Variants in ARL15 observed in about 807,000 individuals in gnomAD.
ARL15 encodes the protein ADP-ribosylation factor-like protein 15.
Under a neutral mutation model 25.2 loss-of-function variants are expected in ARL15, and 19 were observed. That is an observed-to-expected ratio of 0.75 (90% CI 0.53 to 1.10). The LOEUF (loss-of-function observed/expected upper bound fraction) is 1.10. ARL15 is among the 50% of genes least tolerant of loss of function. The pLI is 0.00. For missense variants in ARL15, 220 were observed against 246.0 expected (o/e 0.89, Z 0.71); for synonymous variants, 94 against 86.8 (o/e 1.08, Z -0.46).
At chr5:54,201,821 C>G (rs1197877427) in intron 1 of ARL15, among the ~76,000 whole-genome samples, 1 of 152,076 alleles carries the variant, frequency 6.6e-6, no homozygotes, top group African/African-American at 2.4e-5. Context: ...ACATGTAACC[C>G]TAAGTCACAA....
At chr5:54,152,560 T>C (rs1001410736) in intron 3 of ARL15, among the ~76,000 whole-genome samples, 14 of 152,192 alleles carry the variant, frequency 9.2e-5, no homozygotes, top group Admixed American at 1.3e-4. Context: ...AACAGAGCTA[T>C]TAAAGTTGAG....
chr5:54,129,445 G>A, intron 3 of ARL15, among the ~76,000 whole-genome samples: 1 of 152,182 alleles, frequency 6.6e-6, no homozygotes, highest in Non-Finnish European at 1.5e-5. Context: ...CCAGAAACAG[G>A]CACAGAGACA....
At chr5:53,974,540 T>C (rs1747867671) in intron 4 of ARL15, among the ~76,000 whole-genome samples, 1 of 152,170 alleles carries the variant, frequency 6.6e-6, no homozygotes. Context: ...AGCATAGATA[T>C]TGGAAATAAT....
At chr5:54,087,829 C>T (rs1295687997) in intron 4 of ARL15, among the ~76,000 whole-genome samples, 1 of 54,818 alleles carries the variant, frequency 1.8e-5, no homozygotes, top group African/African-American at 4.8e-5. Flanking sequence ...TCACATGACA[C>T]CATGCCCGAC....
At chr5:54,260,208 C>T (rs1482331932) in intron 1 of ARL15, among the ~76,000 whole-genome samples, 1 of 152,180 alleles carries the variant, frequency 6.6e-6, no homozygotes, top group Non-Finnish European at 1.5e-5. Flanking sequence ...ACTCTTCTTT[C>T]TTTCCTTGTC....
intron 4 of ARL15, among the ~76,000 whole-genome samples, chr5:53,919,048 G>A (rs567748180): frequency 3.3e-5 from 5 of 152,268 alleles, no homozygotes; most frequent in Non-Finnish European, 7.4e-5. Context: ...AGGTGTGAGT[G>A]AACATTCACT....
chr5:53,982,407 C>A (rs1748153252), intron 4 of ARL15, among the ~76,000 whole-genome samples: 1 of 147,022 alleles, frequency 6.8e-6, no homozygotes, highest in East Asian at 2.1e-4. Context: ...CACTGTTCAA[C>A]TCCCACCTAT....
At chr5:53,952,705 A>T (rs1454217952) in intron 4 of ARL15, among the ~76,000 whole-genome samples, 2 of 152,186 alleles carry the variant, frequency 1.3e-5, no homozygotes, top group African/African-American at 4.8e-5. Context: ...TTAAACTTTA[A>T]GAAAGATGAA....
chr5:54,168,861 G>C (rs1440301721), intron 2 of ARL15, among the ~76,000 whole-genome samples: 1 of 152,090 alleles, frequency 6.6e-6, no homozygotes, highest in East Asian at 1.9e-4. Context: ...ATCACATTCT[G>C]TCTTAGCACA....
chr5:54,098,151 A>G (rs1752339726), intron 4 of ARL15, among the ~76,000 whole-genome samples: 1 of 152,206 alleles, frequency 6.6e-6, no homozygotes. Flanking sequence ...GACTGAGGAA[A>G]GTTGGATGCT....
chr5:54,127,461 G>A (rs1216796303), intron 3 of ARL15, among the ~76,000 whole-genome samples: 1 of 151,696 alleles, frequency 6.6e-6, no homozygotes, highest in East Asian at 1.9e-4. Flanking sequence ...CAACTTACAA[G>A]GGATGTGAAG....
intron 4 of ARL15, among the ~76,000 whole-genome samples, chr5:54,087,141 C>T (rs1751985583): frequency 6.6e-6 from 1 of 152,032 alleles, no homozygotes; most frequent in Non-Finnish European, 1.5e-5. Context: ...TCAAGACCAT[C>T]CTGGCTAACA....
At chr5:54,148,870 T>G (rs1278333520) in intron 3 of ARL15, among the ~76,000 whole-genome samples, 2 of 152,206 alleles carry the variant, frequency 1.3e-5, no homozygotes, top group Non-Finnish European at 2.9e-5. Flanking sequence ...ACCAAACATG[T>G]TAAGAACTAA....
chr5:53,929,845 T>TG (rs1297798645), intron 4 of ARL15, among the ~76,000 whole-genome samples: 2 of 152,072 alleles, frequency 1.3e-5, no homozygotes, highest in Non-Finnish European at 2.9e-5. Flanking sequence ...ACAGGACAGC[T>TG]GGGACTCTTC....
chr5:54,216,042 A>T (rs1272985365), intron 1 of ARL15, among the ~76,000 whole-genome samples: 3 of 151,986 alleles, frequency 2.0e-5, no homozygotes, highest in East Asian at 1.9e-4. Context: ...AACAAAGCCA[A>T]TTTTTTTTGT....
intron 4 of ARL15, among the ~76,000 whole-genome samples, chr5:53,946,783 T>C (rs1746750580): frequency 6.6e-6 from 1 of 152,098 alleles, no homozygotes; most frequent in South Asian, 2.1e-4. Context: ...AATCCATCCA[T>C]AGTAAAAAGC....
intron 4 of ARL15, among the ~76,000 whole-genome samples, chr5:53,925,669 A>G (rs1375053560): frequency 6.6e-6 from 1 of 152,118 alleles, no homozygotes; most frequent in Non-Finnish European, 1.5e-5. Flanking sequence ...TTAACTGGGC[A>G]TGGTGGCATG....
intron 1 of ARL15, among the ~76,000 whole-genome samples, chr5:54,266,495 T>C (rs1200319641): frequency 6.6e-6 from 1 of 152,172 alleles, no homozygotes; most frequent in Non-Finnish European, 1.5e-5. Context: ...TCATGAGAAA[T>C]CCCAGAAACC....
At chr5:54,080,547 G>T (rs973648340) in intron 4 of ARL15, among the ~76,000 whole-genome samples, 3 of 152,040 alleles carry the variant, frequency 2.0e-5, no homozygotes, top group Non-Finnish European at 4.4e-5. Context: ...GAAGAAAAAG[G>T]CCTAACGTTT....
Sources: allele counts gnomAD v4.1 joint callset (sites outside exome capture counted in the v4.1 genomes callset), GRCh38; gene constraint gnomAD v4.1.1; transcripts MANE v1.5; gene names NCBI Gene and HGNC (gene_info 2026-07-23, HGNC 2026-07-21).